Variants in AGMO observed in about 807,000 individuals in gnomAD.
The protein encoded by AGMO is alkylglycerol monooxygenase.
AGMO carries 75 observed loss-of-function variants against 60.2 expected under a neutral mutation model. That is an observed-to-expected ratio of 1.25 (90% CI 1.03 to 1.51). AGMO has a LOEUF of 1.51. Among genes scored for constraint, AGMO ranks in the 40% most tolerant of loss-of-function variants. The pLI is 0.00. For synonymous variants in AGMO, 261 were observed against 177.1 expected, an observed-to-expected ratio of 1.47 and a Z score of -3.76; for missense variants, 763 against 525.5, an observed-to-expected ratio of 1.45 and a Z score of -4.42.
intron 12 of AGMO, among the ~76,000 whole-genome samples, chr7:15,274,489 C>G (rs1281329945): frequency 6.6e-6 from 1 of 152,106 alleles, no homozygotes; most frequent in Non-Finnish European, 1.5e-5. Context: ...GGTGGATAAG[C>G]TTTTTGATGT....
In AGMO at chr7:15,342,800, A is replaced by AT. The variant is rs1781904602; in HGVS notation, c.1263+22713_1263+22714insA. Among the ~76,000 whole-genome samples the AT allele has an allele frequency of 2.7e-5, 4 of 150,202 alleles. 1 individual carries two copies. Among genetic ancestry groups the AT allele is most frequent in the African/African-American group, 9.8e-5 (4 of 40,686 alleles). ...GCTGCAAAAAAAAAAAAAAAAAAAAAAAAAATTGATCTGAATTCTACCTCT... is the reference window on the plus strand; with the variant it reads ...GCTGCAAAAAAAAAAAAAAAAAAAAATAAAAATTGATCTGAATTCTACCTCT... On this transcript the variant is annotated intron_variant, in intron 12 of 12. Coordinates refer to ENST00000342526, the MANE Select transcript of AGMO (RefSeq NM_001004320.2).
intron 10 of AGMO, among the ~76,000 whole-genome samples, chr7:15,375,657 A>G (rs376823887): frequency 2.0e-5 from 3 of 152,240 alleles, no homozygotes; most frequent in African/African-American, 7.2e-5. Context: ...TCGGCCTCCT[A>G]AAGTGCTGGA....
intron 12 of AGMO, among the ~76,000 whole-genome samples, chr7:15,302,831 T>G (rs1275934659): frequency 1.3e-5 from 2 of 152,164 alleles, no homozygotes; most frequent in Non-Finnish European, 2.9e-5. Flanking sequence ...GAGTTAAGCT[T>G]CATAAAGATA....
chr7:15,369,055 A>G (rs1011694978), intron 10 of AGMO, among the ~76,000 whole-genome samples: 1 of 152,040 alleles, frequency 6.6e-6, no homozygotes, highest in African/African-American at 2.4e-5. Context: ...GAAGACAAAA[A>G]CCTGTGGCTG....
intron 12 of AGMO, among the ~76,000 whole-genome samples, chr7:15,301,395 C>T (rs751690794): frequency 6.6e-6 from 1 of 151,792 alleles, no homozygotes; most frequent in Non-Finnish European, 1.5e-5. Flanking sequence ...GCCAAGATCA[C>T]GCCACTGCAC....
the AGMO span, among the ~76,000 whole-genome samples, chr7:15,156,047 C>T: frequency 1.3e-5 from 2 of 152,206 alleles, no homozygotes; most frequent in South Asian, 2.1e-4. Context: ...GGCAACTACG[C>T]TCTAATGGGG....
chr7:15,351,026 A>T lies in AGMO; in HGVS notation c.1263+14488T>A, dbSNP rs77307220. 6.0e-3 allele frequency among the ~76,000 whole-genome samples: 919 copies of T among 152,230 alleles called. 8 individuals are homozygous for T. Among genetic ancestry groups the T allele is most frequent in the African/African-American group, 0.021 (852 of 41,528 alleles). On this transcript the variant is annotated intron_variant, in intron 12 of 12. Coordinates refer to ENST00000342526, the MANE Select transcript of AGMO (RefSeq NM_001004320.2). ...ATTTAGCTCACTGTGGGCATGCATG[A>T]GATAGTAGGCATTCTAAGCAGCTAA...
chr7:15,538,192 GT>G (rs999688687), intron 3 of AGMO, among the ~76,000 whole-genome samples: 7 of 152,030 alleles, frequency 4.6e-5, no homozygotes, highest in African/African-American at 1.7e-4. Context: ...ACAAGGTGGA[GT>G]TTACCCTAAG....
At chr7:15,322,487 AATATATATAAATATATAAAT>A (rs1781146027) in intron 12 of AGMO, among the ~76,000 whole-genome samples, 1 of 85,440 alleles carries the variant, frequency 1.2e-5, no homozygotes, top group Non-Finnish European at 2.1e-5. Context: ...TATATATATA[AATATATATAAATATATAAAT>A]ATATATATAA....
intron 10 of AGMO, among the ~76,000 whole-genome samples, chr7:15,381,416 G>GA (rs143136244): frequency 0.085 from 12,613 of 149,012 alleles, 1,804 homozygotes; most frequent in African/African-American, 0.29. Context: ...ACAATCATAT[G>GA]AAAAAAAAAA....
At chr7:15,195,801 T>G (rs946367009), downstream of AGMO, among the ~76,000 whole-genome samples, 1 of 152,184 alleles carries the variant, frequency 6.6e-6, no homozygotes, top group African/African-American at 2.4e-5. Flanking sequence ...CCTCATAATC[T>G]GCCCAAATAA....
intron 12 of AGMO, among the ~76,000 whole-genome samples, chr7:15,365,072 T>G (rs1782918133): frequency 6.6e-6 from 1 of 151,998 alleles, no homozygotes; most frequent in Non-Finnish European, 1.5e-5. Flanking sequence ...CTGACTTCAG[T>G]GACTTTATTT....
chr7:15,517,574 CT>C (rs1451005595), intron 3 of AGMO, among the ~76,000 whole-genome samples: 1 of 151,664 alleles, frequency 6.6e-6, no homozygotes, highest in Non-Finnish European at 1.5e-5. Context: ...TCAGGAACTC[CT>C]TCCCCTAGCC....
chr7:15,178,395 C>T, the AGMO span, among the ~76,000 whole-genome samples: 1 of 152,150 alleles, frequency 6.6e-6, no homozygotes, highest in African/African-American at 2.4e-5. Flanking sequence ...TTTGAGAAGT[C>T]TGAAACTCAT....
chr7:15,223,259 A>G (rs1312158004), intron 12 of AGMO, among the ~76,000 whole-genome samples: 2 of 151,980 alleles, frequency 1.3e-5, no homozygotes, highest in Non-Finnish European at 2.9e-5. Context: ...TTGCTGTTCA[A>G]TTTAGTATTA....
In AGMO at chr7:15,502,065, C is replaced by A. The variant is rs562874638; in HGVS notation, c.409+42707G>T. 2.6e-5 allele frequency among the ~76,000 whole-genome samples: 4 copies of A among 152,166 alleles called. No homozygotes were observed. The South Asian group carries it at 8.3e-4, about 32-fold the overall frequency. On this transcript the variant is annotated intron_variant, in intron 3 of 12. Coordinates refer to ENST00000342526, the MANE Select transcript of AGMO (RefSeq NM_001004320.2). ...AGCCCGAATCTCAGATTTTGGATGA[C>A]AATTATCCTGTTAATCCATTTGTCC...
chr7:15,119,386 C>A, the AGMO span, among the ~76,000 whole-genome samples: 1 of 152,018 alleles, frequency 6.6e-6, no homozygotes, highest in African/African-American at 2.4e-5. Context: ...TTGGGTGTTT[C>A]TTTATACCAG....
chr7:15,352,981 C>A (rs1218045333), intron 12 of AGMO, among the ~76,000 whole-genome samples: 1 of 152,018 alleles, frequency 6.6e-6, no homozygotes, highest in East Asian at 1.9e-4. Flanking sequence ...TGGGGAGTGT[C>A]GGATGCGCAG....
chr7:15,547,481 A>G (rs1005417157), intron 2 of AGMO, among the ~76,000 whole-genome samples: 11 of 152,116 alleles, frequency 7.2e-5, no homozygotes, highest in African/African-American at 2.7e-4. Flanking sequence ...GAGCCGAAGC[A>G]GGGCAAGGCA....
Sources: gnomAD v4.1 joint callset for allele counts (sites outside exome capture counted in the v4.1 genomes callset) on GRCh38, gnomAD v4.1.1 for gene constraint, MANE v1.5 for transcripts, NCBI Gene and HGNC (gene_info 2026-07-23, HGNC 2026-07-21) for gene names.